ZBTB46: variants seen among roughly 807,000 people sequenced by gnomAD.
ZBTB46 encodes the protein zinc finger and BTB domain-containing protein 46.
A neutral mutation model predicts 44.1 loss-of-function variants in ZBTB46; 8 were observed. That is an observed-to-expected ratio of 0.18 (90% CI 0.11 to 0.33). The LOEUF is 0.33. Among genes scored for constraint, ZBTB46 ranks in the 10% least tolerant of loss-of-function variants. The pLI, the probability that ZBTB46 is intolerant of heterozygous loss-of-function variation, is 1.00. For missense variants in ZBTB46, 651 were observed against 847.7 expected, an observed-to-expected ratio of 0.77 and a Z score of 2.88; for synonymous variants, 409 against 382.3, an observed-to-expected ratio of 1.07 and a Z score of -0.81.
chr20:63,817,484 G>A (rs561632756), intron 1 of ZBTB46, among the ~76,000 whole-genome samples: 2 of 152,164 alleles, frequency 1.3e-5, no homozygotes, highest in Middle Eastern at 3.4e-3. Context: ...GGAGGCCAAG[G>A]TGGGCGGATC....
chr20:63,810,390 G>A (rs1000712353), intron 1 of ZBTB46, among the ~76,000 whole-genome samples: 7 of 152,248 alleles, frequency 4.6e-5, no homozygotes, highest in Admixed American at 2.0e-4. Flanking sequence ...CCAGCTGGTC[G>A]TGTCTGCACA....
Position 63,791,571 on chromosome 20 carries a change from G to A in ZBTB46, c.-33-781C>T, listed in dbSNP as rs887981485. On this transcript the variant is annotated intron_variant, in intron 1 of 4. Coordinates refer to ENST00000245663, the MANE Select transcript of ZBTB46 (RefSeq NM_001369741.1). ...AGGAATTAAAGCATTCATAGCCTTA[G>A]TCCTGAAAATTTCCAAAACTCTGAG... is the stretch of plus-strand genomic sequence containing the variant. 2.7e-5 allele frequency among the ~76,000 whole-genome samples: 4 copies of A among 150,762 alleles called. No homozygotes were observed. In the East Asian group the frequency reaches 7.8e-4, roughly 29 times the overall value.
intron 1 of ZBTB46, among the ~76,000 whole-genome samples, chr20:63,791,367 G>A (rs1478573251): frequency 6.6e-6 from 1 of 151,858 alleles, no homozygotes; most frequent in South Asian, 2.1e-4. Flanking sequence ...ATGGTGGCGG[G>A]AGCCTGTAGT....
intron 2 of ZBTB46, among the ~76,000 whole-genome samples, chr20:63,779,655 C>T (rs142173901): frequency 0.02 from 3,037 of 151,956 alleles, 112 homozygotes; most frequent in African/African-American, 0.07. Flanking sequence ...CTCTTGACCT[C>T]GTGATTCGCC....
At chr20:63,813,277 C>T (rs538522960) in intron 1 of ZBTB46, among the ~76,000 whole-genome samples, 79 of 151,604 alleles carry the variant, frequency 5.2e-4, no homozygotes, top group African/African-American at 1.9e-3. Context: ...GGTGAAACCT[C>T]GTCTCTACTA....
chr20:63,815,575 T>G (rs2092746354), intron 1 of ZBTB46, among the ~76,000 whole-genome samples: 1 of 125,940 alleles, frequency 7.9e-6, no homozygotes, highest in African/African-American at 3.2e-5. Flanking sequence ...TGGGCACAGG[T>G]GCAGGTGAGC....
intron 1 of ZBTB46, among the ~76,000 whole-genome samples, chr20:63,819,119 G>A (rs1568905920): frequency 1.3e-5 from 2 of 152,118 alleles, no homozygotes; most frequent in African/African-American, 4.8e-5. Flanking sequence ...GTGGCAGTGA[G>A]CTGAGATCGC....
chr20:63,751,126 C>A (rs2092156860), intron 4 of ZBTB46, among the ~76,000 whole-genome samples: 1 of 130,158 alleles, frequency 7.7e-6, no homozygotes. Context: ...GCAGCTACCC[C>A]TCCCCCCGCC....
At chr20:63,773,791 C>T (rs886453229) in intron 3 of ZBTB46, among the ~76,000 whole-genome samples, 13 of 152,308 alleles carry the variant, frequency 8.5e-5, no homozygotes, top group South Asian at 2.1e-4. Context: ...CTGACGCCCA[C>T]GAAACGTGCC....
At chr20:63,833,471 G>T (rs2092861294), upstream of ZBTB46, among the ~76,000 whole-genome samples, 1 of 152,192 alleles carries the variant, frequency 6.6e-6, no homozygotes, top group Non-Finnish European at 1.5e-5. Flanking sequence ...GGTGCCTGTA[G>T]TCCCAGCTAC....
chr20:63,752,299 C>T lies in ZBTB46; in HGVS notation c.1398+387G>A, dbSNP rs2092175400. On this transcript the variant is annotated intron_variant, in intron 4 of 4. Coordinates refer to ENST00000245663, the MANE Select transcript of ZBTB46 (RefSeq NM_001369741.1). This position sits in a 1 kb window ranked among gnomAD's most constrained non-coding sequence, Gnocchi z 5.6. ...TGCCAGTGCTGAGCTCCAGGGTGGG[C>T]GCGGTGGGTGCAGACAGGTCGGCAG... 6.7e-6 allele frequency among the ~76,000 whole-genome samples: 1 copy of T among 148,838 alleles called. No homozygotes were observed. The highest frequency in any genetic ancestry group is 6.6e-5 in the Admixed American group (1 of 15,096).
At chr20:63,816,045 G>T (rs1266470851) in intron 1 of ZBTB46, among the ~76,000 whole-genome samples, 2 of 148,478 alleles carry the variant, frequency 1.3e-5, no homozygotes, top group South Asian at 2.1e-4. Flanking sequence ...AGGTGCGGTG[G>T]GTGCAGGTGC....
chr20:63,780,852 C>CA (rs1346936651), intron 2 of ZBTB46, among the ~76,000 whole-genome samples: 1 of 149,724 alleles, frequency 6.7e-6, no homozygotes, highest in East Asian at 2.0e-4. Flanking sequence ...AAAAGGAGGC[C>CA]ATGCACAGTG....
intron 3 of ZBTB46, among the ~76,000 whole-genome samples, chr20:63,762,359 A>T (rs2092284385): frequency 6.8e-6 from 1 of 147,502 alleles, no homozygotes; most frequent in Non-Finnish European, 1.5e-5. Context: ...CATGTATTTT[A>T]AAACTGAGCT....
At chr20:63,760,748 C>CACTCA (rs2092267039) in intron 3 of ZBTB46, among the ~76,000 whole-genome samples, 2 of 151,148 alleles carry the variant, frequency 1.3e-5, no homozygotes, top group Non-Finnish European at 1.5e-5. Flanking sequence ...TGAGCCACCG[C>CACTCA]GCCAGGCCGA....
intron 3 of ZBTB46, among the ~76,000 whole-genome samples, chr20:63,759,561 A>C (rs1339392424): frequency 1.3e-5 from 2 of 152,038 alleles, no homozygotes; most frequent in African/African-American, 2.4e-5. Context: ...GCTTGGGACA[A>C]GGGGTAGGAC....
intron 1 of ZBTB46, among the ~76,000 whole-genome samples, chr20:63,816,138 TGGGTGC>T (rs2092756063): frequency 9.6e-6 from 1 of 103,894 alleles, no homozygotes; most frequent in African/African-American, 4.3e-5. Flanking sequence ...GCAGGTGCAG[TGGGTGC>T]AGGTGCAGTG....
intron 1 of ZBTB46, among the ~76,000 whole-genome samples, chr20:63,809,158 C>G (rs2092703172): frequency 6.6e-6 from 1 of 152,126 alleles, no homozygotes; most frequent in Non-Finnish European, 1.5e-5. Flanking sequence ...TGGGGCACTT[C>G]GCCATGGGCT....
At position 63,781,781 on chromosome 20, in the gene ZBTB46, G is replaced by A. The variant is rs532320214; in HGVS notation, c.938-5819C>T. 4.3e-3 allele frequency among the ~76,000 whole-genome samples: 547 copies of A among 128,070 alleles called. 5 individuals are homozygous for A. Among genetic ancestry groups the A allele is most frequent in the African/African-American group, 0.014 (504 of 35,958 alleles). 84.0% of individuals were successfully genotyped at this position (128,070 alleles called of 152,430 possible). A position where few individuals can be genotyped will look rare whatever the true frequency, so the allele number is the denominator to read the frequency against. On this transcript the variant is annotated intron_variant, in intron 2 of 4. Coordinates refer to ENST00000245663, the MANE Select transcript of ZBTB46 (RefSeq NM_001369741.1). ...CACTCCAGCCTGGACAACAGAGCGA[G>A]ACTCTGTCAAAAAAAAAATAGAGGC...
Sources: gnomAD v4.1 joint callset for allele counts (sites outside exome capture counted in the v4.1 genomes callset) on GRCh38, gnomAD v4.1.1 for gene constraint, Gnocchi (gnomAD v3.1) non-coding constraint, MANE v1.5 for transcripts, NCBI Gene and HGNC (gene_info 2026-07-23, HGNC 2026-07-21) for gene names.